Variants in CYP4Z1 observed in about 807,000 individuals in gnomAD.
CYP4Z1 encodes the protein cytochrome P450 4Z1.
A neutral mutation model predicts 54.2 loss-of-function variants in CYP4Z1; 41 were observed. The ratio of observed to expected loss-of-function variants is 0.76; its 90% CI spans 0.59 to 0.98. The LOEUF (loss-of-function observed/expected upper bound fraction) is 0.98, where lower values mean the gene tolerates loss of function less well. Among genes scored for constraint, CYP4Z1 ranks in the 50% least tolerant of loss-of-function variants. The probability of loss-of-function intolerance (pLI) is 0.00; values close to 1 mark genes in which losing one functional copy is unlikely to be tolerated. For synonymous variants in CYP4Z1, 163 were observed against 206.2 expected, an observed-to-expected ratio of 0.79 and a Z score of 1.79; for missense variants, 513 against 599.0, an observed-to-expected ratio of 0.86 and a Z score of 1.50.
At chr1:47,059,534 C>G in the CYP4Z1 span, among the ~76,000 whole-genome samples, 1 of 152,144 alleles carries the variant, frequency 6.6e-6, no homozygotes, top group African/African-American at 2.4e-5. Flanking sequence ...TAATTTGCAA[C>G]AGGCTGGCCA....
At chr1:47,113,676 G>A (rs911617201) in intron 9 of CYP4Z1, among the ~76,000 whole-genome samples, 1 of 152,154 alleles carries the variant, frequency 6.6e-6, no homozygotes, top group Non-Finnish European at 1.5e-5. Flanking sequence ...GCCAAATCAT[G>A]AGCGAACTCC....
chr1:47,093,828 A>G (rs1454872043), intron 6 of CYP4Z1, among the ~76,000 whole-genome samples: 1 of 152,202 alleles, frequency 6.6e-6, no homozygotes, highest in Non-Finnish European at 1.5e-5. Context: ...GAAAGCCACA[A>G]CGTACTGCAG....
chr1:47,101,877 G>T (rs10890453), intron 8 of CYP4Z1, among the ~76,000 whole-genome samples: 59 of 151,704 alleles, frequency 3.9e-4, no homozygotes, highest in African/African-American at 1.4e-3. Context: ...CGTCTCCAAC[G>T]ATTATGGTAT....
chr1:47,086,642 C>T lies in CYP4Z1; in HGVS notation c.772+1664C>T, dbSNP rs200850364. ...GCAAAAATTTTCTCCCATCTGTAGG[C>T]TGTCTGTTCACTCTGATGGTAGTTT... On this transcript the variant is annotated intron_variant, in intron 6 of 11. Transcript: ENST00000334194. Among the ~76,000 whole-genome samples, 584 of 152,176 alleles carry T rather than the reference C, an allele frequency of 3.8e-3. 3 individuals carry two copies. The highest frequency in any genetic ancestry group is 0.013 in the African/African-American group (549 of 41,514).
intron 6 of CYP4Z1, among the ~76,000 whole-genome samples, chr1:47,086,908 A>G (rs555477144): frequency 1.0e-3 from 156 of 152,336 alleles, no homozygotes; most frequent in African/African-American, 3.2e-3. Flanking sequence ...AGCTTTCTAC[A>G]TATGGCTAGC....
chr1:47,089,185 A>T lies in CYP4Z1; in HGVS notation c.772+4207A>T, dbSNP rs538301945. 7.2e-4 allele frequency among the ~76,000 whole-genome samples: 109 copies of T among 152,098 alleles called. 1 individual carries two copies. Among genetic ancestry groups the T allele is most frequent in the African/African-American group, 2.5e-3 (103 of 41,510 alleles). On this transcript the variant is annotated intron_variant, in intron 6 of 11. Transcript: ENST00000334194. ...TCATGGGTATGCTAGAAATTACAAC[A>T]TGTAGTCTTTATTTATTAGAATCTA...
At chr1:47,066,869 T>A (rs1036776646), upstream of CYP4Z1, among the ~76,000 whole-genome samples, 1 of 150,088 alleles carries the variant, frequency 6.7e-6, no homozygotes, top group Non-Finnish European at 1.5e-5. Context: ...AATCAAGAAC[T>A]CAACCCCTTT....
At chr1:47,101,089 T>C (rs1293277748) in intron 8 of CYP4Z1, among the ~76,000 whole-genome samples, 1 of 152,204 alleles carries the variant, frequency 6.6e-6, no homozygotes, top group Non-Finnish European at 1.5e-5. Context: ...ACTTCTGTGG[T>C]ATCAGTTGAA....
intron 2 of CYP4Z1, among the ~76,000 whole-genome samples, chr1:47,076,181 C>T (rs1425000218): frequency 6.9e-6 from 1 of 145,558 alleles, no homozygotes; most frequent in Non-Finnish European, 1.5e-5. Flanking sequence ...CACTTTTCTT[C>T]ATAGTTCATC....
At chr1:47,089,255 T>TTA (rs1286108283) in intron 6 of CYP4Z1, among the ~76,000 whole-genome samples, 13 of 152,198 alleles carry the variant, frequency 8.5e-5, no homozygotes, top group Admixed American at 7.9e-4. Flanking sequence ...TGCAAGGATC[T>TTA]TACACCATTT....
Position 47,099,300 on chromosome 1 carries a change from C to T in CYP4Z1, c.1067+16C>T, listed in dbSNP as rs1357982060. 1 of 1,560,620 alleles carries T rather than the reference C, an allele frequency of 6.4e-7. No homozygotes were observed. The highest frequency in any genetic ancestry group is 8.6e-7 in the Non-Finnish European group (1 of 1,156,912). ...CTATTACCTGGTAAGACCTGTATTCCTATTTCATCCTGAATTTTCCCCTTA... is the reference window on the plus strand; with the variant it reads ...CTATTACCTGGTAAGACCTGTATTCTTATTTCATCCTGAATTTTCCCCTTA... On this transcript the variant is annotated intron_variant, in intron 8 of 11. Coordinates refer to ENST00000334194, the MANE Select transcript of CYP4Z1 (RefSeq NM_178134.3).
intron 10 of CYP4Z1, among the ~76,000 whole-genome samples, chr1:47,116,330 G>T (rs1045894184): frequency 1.5e-4 from 23 of 152,076 alleles, no homozygotes; most frequent in Admixed American, 1.3e-3. Flanking sequence ...CAGAGGCACG[G>T]GTTTACTGTG....
At chr1:47,072,967 T>G (rs1298830143) in intron 2 of CYP4Z1, among the ~76,000 whole-genome samples, 1 of 152,048 alleles carries the variant, frequency 6.6e-6, no homozygotes. Context: ...CATTTAACCG[T>G]TTTAAAGATC....
intron 6 of CYP4Z1, among the ~76,000 whole-genome samples, chr1:47,088,939 T>C (rs550995005): frequency 1.2e-3 from 172 of 148,824 alleles, no homozygotes; most frequent in African/African-American, 4.2e-3. Flanking sequence ...ATTTCTCATA[T>C]GCAGCATTTA....
At chr1:47,067,024 T>C (rs1475287009), upstream of CYP4Z1, among the ~76,000 whole-genome samples, 1 of 152,094 alleles carries the variant, frequency 6.6e-6, no homozygotes, top group Non-Finnish European at 1.5e-5. Context: ...AGGGGTGATA[T>C]ATGGGAACTC....
intron 6 of CYP4Z1, among the ~76,000 whole-genome samples, chr1:47,086,017 A>G (rs561706388): frequency 6.6e-6 from 1 of 152,120 alleles, no homozygotes; most frequent in Non-Finnish European, 1.5e-5. Context: ...TACAAAGGAC[A>G]TGAACTCATC....
At chr1:47,068,558 G>T (rs1238115538) in intron 1 of CYP4Z1, 64 bp from the exon 2 acceptor site, 3 of 1,587,644 alleles carry the variant, frequency 1.9e-6, no homozygotes, top group African/African-American at 1.3e-5. Context: ...TGGTCCATCC[G>T]AGGGAAAGGG....
intron 2 of CYP4Z1, 106 bp downstream of exon 2, chr1:47,068,869 T>G: frequency 7.1e-7 from 1 of 1,413,586 alleles, no homozygotes; most frequent in Non-Finnish European, 9.6e-7. Context: ...GGGAAATCCA[T>G]CATTTGATAT....
intron 8 of CYP4Z1, among the ~76,000 whole-genome samples, chr1:47,104,724 C>G (rs1644745184): frequency 6.6e-6 from 1 of 152,110 alleles, no homozygotes; most frequent in South Asian, 2.1e-4. Flanking sequence ...GGGCCCTAGA[C>G]AGCATGCTCA....
Sources: gnomAD v4.1 joint callset for allele counts (sites outside exome capture counted in the v4.1 genomes callset) on GRCh38, gnomAD v4.1.1 for gene constraint, MANE v1.5 for transcripts, NCBI Gene and HGNC (gene_info 2026-07-23, HGNC 2026-07-21) for gene names.